FBXL2: variants seen among roughly 807,000 people sequenced by gnomAD.
FBXL2 encodes the protein F-box and leucine rich repeat protein 2, also known as F-box/LRR-repeat protein 2.
In FBXL2, 38 loss-of-function variants were observed where a neutral mutation model predicts 69.2. That is an observed-to-expected ratio of 0.55 (90% confidence interval 0.42 to 0.72). The LOEUF is 0.72. Ranked by LOEUF, FBXL2 falls within the 30% of genes least tolerant of loss-of-function variation. FBXL2 has a pLI of 0.00. For synonymous variants in FBXL2, 192 were observed against 201.3 expected (o/e 0.95, Z 0.39); for missense variants, 354 against 520.3 (o/e 0.68, Z 3.11).
chr3:33,403,983 T>C (rs1422085922), downstream of FBXL2, among the ~76,000 whole-genome samples: 1 of 152,186 alleles, frequency 6.6e-6, no homozygotes, highest in Non-Finnish European at 1.5e-5. Flanking sequence ...CGGTGACTCA[T>C]GCCCCTAATC....
intron 2 of FBXL2, among the ~76,000 whole-genome samples, chr3:33,324,216 G>A (rs189897805): frequency 1.3e-5 from 2 of 152,116 alleles, no homozygotes; most frequent in East Asian, 3.9e-4. Flanking sequence ...TTTGTCAGAT[G>A]GGTAGATTGC....
intron 12 of FBXL2, chr3:33,398,069 G>C (rs553501687): frequency 6.6e-6 from 1 of 152,156 alleles, no homozygotes; most frequent in East Asian, 1.9e-4. Flanking sequence ...GGTAGGAGAT[G>C]GCTGCATGGG....
At chr3:33,406,416 C>T (rs1275187576), downstream of FBXL2, among the ~76,000 whole-genome samples, 1 of 152,168 alleles carries the variant, frequency 6.6e-6, no homozygotes, top group Admixed American at 6.5e-5. Flanking sequence ...GAAAGATTTT[C>T]CTGCTACAAC....
downstream of FBXL2, among the ~76,000 whole-genome samples, chr3:33,406,252 A>C (rs149364795): frequency 6.6e-5 from 10 of 152,288 alleles, no homozygotes; most frequent in East Asian, 1.7e-3. Flanking sequence ...CAAAAAAATA[A>C]ATAAATAACT....
intron 7 of FBXL2, 54 bp from the exon 8 acceptor site, chr3:33,373,524 A>G (rs564920940): frequency 6.2e-7 from 1 of 1,613,072 alleles, no homozygotes; most frequent in Admixed American, 1.7e-5. Context: ...AGAGTTGGTC[A>G]TTAACTCTCT....
At chr3:33,411,601 G>C in the FBXL2 span, 1 of 1,614,056 alleles carries the variant, frequency 6.2e-7, no homozygotes, top group Non-Finnish European at 8.5e-7. Context: ...GCAGAGGTGC[G>C]TTTTGCTGGG....
At chr3:33,393,476 G>T (rs982231468) in intron 12 of FBXL2, 1 of 1,512,110 alleles carries the variant, frequency 6.6e-7, no homozygotes, top group East Asian at 2.3e-5. Context: ...AAAAAAAAAA[G>T]AAAAGCATTT....
At chr3:33,354,047 A>G (rs1206840469) in intron 2 of FBXL2, among the ~76,000 whole-genome samples, 1 of 152,216 alleles carries the variant, frequency 6.6e-6, no homozygotes, top group Non-Finnish European at 1.5e-5. Context: ...TATAATACAG[A>G]GTGAACTTTG....
intron 2 of FBXL2, among the ~76,000 whole-genome samples, chr3:33,302,651 T>C (rs2036390325): frequency 1.3e-5 from 2 of 152,334 alleles, no homozygotes; most frequent in African/African-American, 4.8e-5. Context: ...AGAAAATTAC[T>C]AGACACATTT....
chr3:33,294,388 T>C (rs1360837013), intron 1 of FBXL2, among the ~76,000 whole-genome samples: 1 of 152,172 alleles, frequency 6.6e-6, no homozygotes, highest in Non-Finnish European at 1.5e-5. Flanking sequence ...TGAGCCACTG[T>C]GCCTGGCCCC....
At chr3:33,328,535 A>G (rs1001820917) in intron 2 of FBXL2, among the ~76,000 whole-genome samples, 2 of 152,198 alleles carry the variant, frequency 1.3e-5, no homozygotes, top group African/African-American at 4.8e-5. Context: ...GAACCTAGAT[A>G]TAGATCCCTG....
chr3:33,399,572 T>C (rs1275357090), intron 12 of FBXL2, among the ~76,000 whole-genome samples: 6 of 152,160 alleles, frequency 3.9e-5, no homozygotes, highest in African/African-American at 1.4e-4. Flanking sequence ...TACTATATGA[T>C]TGCATTTATA....
intron 2 of FBXL2, among the ~76,000 whole-genome samples, chr3:33,347,841 C>A (rs1314156897): frequency 6.6e-6 from 1 of 152,032 alleles, no homozygotes; most frequent in Non-Finnish European, 1.5e-5. Flanking sequence ...CTATTCAGAT[C>A]TTTGGCCCAT....
chr3:33,310,684 C>G (rs1028470776), intron 2 of FBXL2, among the ~76,000 whole-genome samples: 3 of 151,552 alleles, frequency 2.0e-5, no homozygotes, highest in Admixed American at 6.6e-5. Flanking sequence ...TTTCATTTGT[C>G]TGGAAAAGTC....
At chr3:33,369,046 C>T (rs1195411836) in intron 5 of FBXL2, among the ~76,000 whole-genome samples, 6 of 145,940 alleles carry the variant, frequency 4.1e-5, no homozygotes, top group African/African-American at 1.5e-4. Context: ...CTTTTTCTTT[C>T]TTCTTTTAGA....
chr3:33,411,470 A>C, the FBXL2 span: 1 of 925,332 alleles, frequency 1.1e-6, no homozygotes. Flanking sequence ...AGACACTACA[A>C]CATAGTTTAT....
chr3:33,413,024 T>G, the FBXL2 span, among the ~76,000 whole-genome samples: 4 of 152,150 alleles, frequency 2.6e-5, no homozygotes, highest in African/African-American at 9.7e-5. Context: ...GAATTATAAC[T>G]CAAAAACTAA....
intron 2 of FBXL2, among the ~76,000 whole-genome samples, chr3:33,346,273 T>C (rs751859410): frequency 6.6e-6 from 1 of 152,032 alleles, no homozygotes; most frequent in Non-Finnish European, 1.5e-5. Flanking sequence ...TAAGCCTCCA[T>C]TTTAGGAAAT....
chr3:33,408,833 TC>T, the FBXL2 span: 1 of 1,554,786 alleles, frequency 6.4e-7, no homozygotes, highest in African/African-American at 1.4e-5. Flanking sequence ...CAATGTCTTT[TC>T]ATTATACAAA....
Sources: gnomAD v4.1 joint callset for allele counts (sites outside exome capture counted in the v4.1 genomes callset) on GRCh38, gnomAD v4.1.1 for gene constraint, MANE v1.5 for transcripts, NCBI Gene and HGNC (gene_info 2026-07-23, HGNC 2026-07-21) for gene names.